Variants in DIS3L2 observed in about 807,000 individuals in gnomAD.
The protein encoded by DIS3L2 is DIS3-like exonuclease 2.
Under a neutral mutation model 97.5 loss-of-function variants are expected in DIS3L2, and 34 were observed. The ratio of observed to expected loss-of-function variants is 0.35; its 90% CI spans 0.27 to 0.46. DIS3L2 has a LOEUF of 0.46. Among genes scored for constraint, DIS3L2 ranks in the 20% least tolerant of loss-of-function variants. The pLI, the probability that DIS3L2 is intolerant of heterozygous loss-of-function variation, is 1.00. For synonymous variants in DIS3L2, 435 were observed against 445.2 expected (o/e 0.98, Z 0.29); for missense variants, 1,038 against 1,146.0 (o/e 0.91, Z 1.36).
chr2:232,153,848 C>T (rs562501489), intron 8 of DIS3L2, among the ~76,000 whole-genome samples: 4 of 152,238 alleles, frequency 2.6e-5, no homozygotes, highest in Non-Finnish European at 5.9e-5. Context: ...ACCAATGAGA[C>T]GTAGATTTGG....
At chr2:232,003,955 T>G (rs1412534045) in intron 1 of DIS3L2, among the ~76,000 whole-genome samples, 1 of 152,328 alleles carries the variant, frequency 6.6e-6, no homozygotes, top group East Asian at 1.9e-4. Flanking sequence ...TTTTTGGGGT[T>G]CACTCAGTTT....
intron 5 of DIS3L2, among the ~76,000 whole-genome samples, chr2:232,086,632 CATATATATATATGTAT>C (rs1696641695): frequency 1.4e-5 from 1 of 69,230 alleles, no homozygotes; most frequent in Non-Finnish European, 2.4e-5. Flanking sequence ...TATATATACA[CATATATATATATGTAT>C]ATATATATAT....
At position 232,136,702 on chromosome 2, in the gene DIS3L2, C is replaced by G. The variant is rs1359411191; in HGVS notation, c.933C>G (p.Asp311Glu). 2.5e-6 allele frequency: 4 copies of G among 1,613,716 alleles called. No individual in the cohort carries two copies. The highest frequency in any genetic ancestry group is 3.4e-6 in the Non-Finnish European group (4 of 1,179,858). Residue 311 changes from aspartate to glutamate, a missense_variant, in exon 8 of 21, where the codon GAC (aspartate) becomes GAG (glutamate). Asp to Glu is a conservative substitution (Grantham distance 45). Coordinates refer to ENST00000325385, the MANE Select transcript of DIS3L2 (RefSeq NM_152383.5). Reference sequence around the variant, plus strand: ...GCCGCATTGTGGACTGGAAGGAGGACTGCAATTTTGCCCTGGGGTAGGTGA... The same window carrying G: ...GCCGCATTGTGGACTGGAAGGAGGAGTGCAATTTTGCCCTGGGGTAGGTGA... Reference protein sequence around the residue: ...FICRIVDWKEDCNFALGQLAK... With the variant: ...FICRIVDWKEECNFALGQLAK...
chr2:232,265,406 G>A (rs1693828876), intron 13 of DIS3L2, among the ~76,000 whole-genome samples: 1 of 152,128 alleles, frequency 6.6e-6, no homozygotes, highest in Non-Finnish European at 1.5e-5. Flanking sequence ...CTCTATCCCT[G>A]GCCTCCCTCC....
In DIS3L2 at chr2:232,310,714, C is replaced by G. The variant is rs148484094; in HGVS notation, c.1739+10595C>G. 8.5e-3 allele frequency among the ~76,000 whole-genome samples: 1,294 copies of G among 152,362 alleles called. 23 individuals carry two copies. The highest frequency in any genetic ancestry group is 0.049 in the Admixed American group (747 of 15,308). On this transcript the variant is annotated intron_variant, in intron 14 of 20. Coordinates refer to ENST00000325385, the MANE Select transcript of DIS3L2 (RefSeq NM_152383.5). ...AGCTGTACATAAGAGGACCATCCAG[C>G]AGGCTTCTCCCTGGATACTACCCCA... is the stretch of plus-strand genomic sequence containing the variant.
At chr2:232,003,917 A>G (rs985398750) in intron 1 of DIS3L2, among the ~76,000 whole-genome samples, 1 of 152,186 alleles carries the variant, frequency 6.6e-6, no homozygotes, top group African/African-American at 2.4e-5. Context: ...TTATGATGAT[A>G]TAGATATAAT....
intron 6 of DIS3L2, among the ~76,000 whole-genome samples, chr2:232,114,078 T>G (rs1476389522): frequency 1.3e-5 from 2 of 152,102 alleles, no homozygotes; most frequent in African/African-American, 4.8e-5. Context: ...TTCCCTATGG[T>G]TTCATCTCAG....
chr2:232,291,896 C>G (rs1332288559), intron 13 of DIS3L2, among the ~76,000 whole-genome samples: 1 of 152,098 alleles, frequency 6.6e-6, no homozygotes, highest in Non-Finnish European at 1.5e-5. Flanking sequence ...ATTTTTTTGC[C>G]CTTCCAAGGT....
intron 13 of DIS3L2, among the ~76,000 whole-genome samples, chr2:232,264,974 G>A (rs1373045807): frequency 6.6e-6 from 1 of 152,236 alleles, no homozygotes; most frequent in Non-Finnish European, 1.5e-5. Context: ...ACAAGAGGCA[G>A]AGCGGATGCT....
At chr2:232,165,189 AAT>A (rs1420498585) in intron 9 of DIS3L2, among the ~76,000 whole-genome samples, 1 of 152,264 alleles carries the variant, frequency 6.6e-6, no homozygotes, top group Non-Finnish European at 1.5e-5. Context: ...GTGTTATGTC[AAT>A]ATGATAGCAT....
intron 1 of DIS3L2, among the ~76,000 whole-genome samples, chr2:232,013,265 C>T (rs1290350139): frequency 4.6e-5 from 7 of 152,168 alleles, no homozygotes. Flanking sequence ...ACTCTGAGTC[C>T]TGTACCAGGT....
At chr2:232,181,983 G>A (rs1474798784) in intron 9 of DIS3L2, among the ~76,000 whole-genome samples, 2 of 152,006 alleles carry the variant, frequency 1.3e-5, no homozygotes, top group African/African-American at 4.8e-5. Flanking sequence ...ATTTGTAGAA[G>A]TGAGGTTTCA....
At chr2:232,317,123 GA>G (rs1443474475) in intron 14 of DIS3L2, among the ~76,000 whole-genome samples, 4 of 152,230 alleles carry the variant, frequency 2.6e-5, no homozygotes, top group African/African-American at 4.8e-5. Flanking sequence ...CAATGGAAGG[GA>G]AACACATTTG....
chr2:232,160,489 C>T (rs1382542778), intron 8 of DIS3L2, among the ~76,000 whole-genome samples: 1 of 152,148 alleles, frequency 6.6e-6, no homozygotes, highest in Non-Finnish European at 1.5e-5. Flanking sequence ...GGTGTCTCCT[C>T]TCTCATTCTT....
intron 1 of DIS3L2, among the ~76,000 whole-genome samples, chr2:231,969,866 A>G (rs945945516): frequency 6.8e-6 from 1 of 147,906 alleles, no homozygotes; most frequent in African/African-American, 2.5e-5. Flanking sequence ...TTCTATTTCT[A>G]GTTTACTGAG....
rs549978691 is a variant in DIS3L2, at chr2:232,176,499, C to CT, written c.1124+12873dup. Among the ~76,000 whole-genome samples, 53 of 149,268 alleles carry CT rather than the reference C, an allele frequency of 3.6e-4. No homozygotes were observed. The South Asian group carries it at 0.011, about 30-fold the overall frequency. On this transcript the variant is annotated intron_variant, in intron 9 of 20. Coordinates refer to ENST00000325385, the MANE Select transcript of DIS3L2 (RefSeq NM_152383.5). The stretch of plus-strand genomic sequence containing the variant: ...TTTCTACTCTAATCTTTGTTATTTT[C>CT]TTTTTTCTGCTTGCTTAGGTTTAGT...
chr2:232,155,606 T>C (rs1354167613), intron 8 of DIS3L2, among the ~76,000 whole-genome samples: 2 of 152,226 alleles, frequency 1.3e-5, no homozygotes, highest in Non-Finnish European at 2.9e-5. Flanking sequence ...CAGAAAAGTT[T>C]TCTTAATGAT....
intron 9 of DIS3L2, chr2:232,172,743 G>A (rs1691030140): frequency 1.9e-6 from 1 of 534,396 alleles, no homozygotes; most frequent in Non-Finnish European, 3.8e-6. Flanking sequence ...ACTCCCTGTG[G>A]CAATGTATGA....
chr2:232,343,195 G>T, intron 13 of DIS3L2: 1 of 694,872 alleles, frequency 1.4e-6, no homozygotes, highest in Non-Finnish European at 2.5e-6. Flanking sequence ...ATATGAAGAG[G>T]CTATTTCCTG....
Sources: gnomAD v4.1 joint callset for allele counts (sites outside exome capture counted in the v4.1 genomes callset) on GRCh38, gnomAD v4.1.1 for gene constraint, MANE v1.5 for transcripts, NCBI Gene and HGNC (gene_info 2026-07-23, HGNC 2026-07-21) for gene names.